XKR7: variants seen among roughly 807,000 people sequenced by gnomAD.
XKR7 encodes the protein XK related 7.
A neutral mutation model predicts 42.2 loss-of-function variants in XKR7; 11 were observed. The ratio of observed to expected loss-of-function variants is 0.26; its 90% CI spans 0.16 to 0.43. The LOEUF is 0.43. XKR7 is among the 20% of genes least tolerant of loss of function. XKR7 has a pLI of 1.00. For missense variants in XKR7, 710 were observed against 802.2 expected (o/e 0.89, Z 1.39); for synonymous variants, 346 against 366.4 (o/e 0.94, Z 0.64).
At position 32,001,440 on chromosome 20, in the gene XKR7, A is replaced by T. The variant is rs2064624614; in HGVS notation, c.*3983A>T. 1 of 152,192 alleles carries T rather than the reference A, an allele frequency of 6.6e-6. No homozygotes were observed. Among genetic ancestry groups the T allele is most frequent in the African/African-American group, 2.4e-5 (1 of 41,440 alleles). The allele number at this position is 152,192 out of a possible 1,614,324, so 9.4% of individuals were successfully genotyped here. On this transcript the variant is annotated 3_prime_UTR_variant, in exon 3 of 3. Coordinates refer to ENST00000562532, the MANE Select transcript of XKR7 (RefSeq NM_001011718.2). ...GTTCAAAATGTTGAGAAGGTTCTGG[A>T]GTGTCCTGCCAAGTGGAAACCCCTC...
chr20:31,991,906 T>G (rs1439645477), intron 1 of XKR7, among the ~76,000 whole-genome samples: 1 of 152,066 alleles, frequency 6.6e-6, no homozygotes, highest in Admixed American at 6.5e-5. Context: ...TCACCTAAGG[T>G]CAGGAGTTTG....
At chr20:31,994,509 G>C (rs1226799869) in intron 1 of XKR7, among the ~76,000 whole-genome samples, 4 of 152,178 alleles carry the variant, frequency 2.6e-5, no homozygotes, top group African/African-American at 9.7e-5. Context: ...GATGAGGCCA[G>C]GAGTTCAAGA....
chr20:31,970,327 C>G (rs1456398266), intron 1 of XKR7: 1 of 152,202 alleles, frequency 6.6e-6, no homozygotes, highest in Admixed American at 6.5e-5. Context: ...GGCTATCCCC[C>G]CATTCAGAAT....
At chr20:31,989,860 G>A (rs759155586) in intron 1 of XKR7, among the ~76,000 whole-genome samples, 11 of 152,078 alleles carry the variant, frequency 7.2e-5, no homozygotes, top group Non-Finnish European at 1.2e-4. Flanking sequence ...TGATCCTCCC[G>A]CCTTGGCCTC....
At chr20:31,977,328 AAC>A (rs934900960) in intron 1 of XKR7, among the ~76,000 whole-genome samples, 6 of 152,198 alleles carry the variant, frequency 3.9e-5, no homozygotes, top group African/African-American at 1.2e-4. Flanking sequence ...TCTGTAAAGT[AAC>A]TTCAGAATTC....
intron 1 of XKR7, among the ~76,000 whole-genome samples, chr20:31,974,971 C>G (rs868627424): frequency 2.0e-4 from 30 of 152,138 alleles, no homozygotes; most frequent in African/African-American, 7.2e-4. Context: ...AGAGCTGCTC[C>G]TAACAGACAC....
intron 1 of XKR7, among the ~76,000 whole-genome samples, chr20:31,980,854 G>A (rs1415389107): frequency 6.6e-6 from 1 of 151,766 alleles, no homozygotes; most frequent in East Asian, 1.9e-4. Context: ...CTGAGCTCAG[G>A]AGTTCGAGAC....
intron 1 of XKR7, among the ~76,000 whole-genome samples, chr20:31,989,238 T>C (rs1290123178): frequency 6.6e-6 from 1 of 150,748 alleles, no homozygotes; most frequent in Non-Finnish European, 1.5e-5. Flanking sequence ...AGTGCAGACG[T>C]CCTGAGCCAG....
intron 1 of XKR7, among the ~76,000 whole-genome samples, chr20:31,980,840 T>A (rs1053985303): frequency 3.3e-5 from 5 of 151,648 alleles, no homozygotes; most frequent in African/African-American, 1.2e-4. Context: ...GGCAGGAGAA[T>A]TGCCTGAGCT....
chr20:31,980,995 G>A (rs1326448095), intron 1 of XKR7, among the ~76,000 whole-genome samples: 2 of 151,376 alleles, frequency 1.3e-5, no homozygotes, highest in African/African-American at 4.9e-5. Context: ...AGCCCAGGAG[G>A]TCGAGGCCGC....
Position 31,968,525 on chromosome 20 carries a change from C to T in XKR7, c.350C>T (p.Ser117Leu), listed in dbSNP as rs1383577735. 1.4e-5 allele frequency: 22 copies of T among 1,609,398 alleles called. No individual in the cohort carries two copies. The highest frequency in any genetic ancestry group is 1.9e-5 in the Non-Finnish European group (22 of 1,178,094). The change falls in exon 1 of 3, where the codon TCG becomes TTG. Residue 117 changes from serine to leucine, a missense_variant. Ser to Leu is a moderately radical substitution (Grantham distance 145). Coordinates refer to ENST00000562532, the MANE Select transcript of XKR7 (RefSeq NM_001011718.2). This position sits in a 1 kb window ranked among gnomAD's most constrained non-coding sequence, Gnocchi z 4.5. ...LSFRWFVYDY[S>L]EPAGSPGPAV... ...TTCCGCTGGTTCGTCTACGACTACTCGGAGCCCGCAGGGTCCCCGGGACCC... is the reference window on the plus strand; with the variant it reads ...TTCCGCTGGTTCGTCTACGACTACTTGGAGCCCGCAGGGTCCCCGGGACCC...
rs780725931 is a variant in XKR7 at position 31,997,255 on chromosome 20, C to T, written c.1538C>T (p.Ala513Val). 4 of 1,612,118 alleles carry T rather than the reference C, an allele frequency of 2.5e-6. No homozygotes were observed. In the South Asian group the frequency reaches 4.4e-5, roughly 18 times the overall value. ...CCTGGCTTGCCTCCCACACCAGTGG[C>T]CCGCACCTTGCGGACAGAGGGGCCT... ...VRPGLPPTPV[A>V]RTLRTEGPVI... Residue 513 changes from alanine to valine, a missense_variant, in exon 3 of 3, where the codon GCC (alanine) becomes GTC (valine). Around this residue, in one of 2 missense-constraint regions of XKR7, gnomAD observed 708 missense variants for 786.2 expected, o/e 0.90. Transcript: ENST00000562532.
chr20:31,984,651 A>G (rs2064529022), intron 1 of XKR7, among the ~76,000 whole-genome samples: 1 of 152,186 alleles, frequency 6.6e-6, no homozygotes, highest in African/African-American at 2.4e-5. Context: ...CCTGTCTCCC[A>G]GTTTTCTCTA....
At chr20:31,988,371 T>A (rs994557504) in intron 1 of XKR7, among the ~76,000 whole-genome samples, 1 of 152,094 alleles carries the variant, frequency 6.6e-6, no homozygotes, top group Non-Finnish European at 1.5e-5. Flanking sequence ...TGAGCTCCTA[T>A]TCATTTCTCG....
intron 1 of XKR7, among the ~76,000 whole-genome samples, chr20:31,986,167 C>G (rs1160119767): frequency 3.0e-5 from 4 of 132,032 alleles, no homozygotes; most frequent in South Asian, 2.5e-4. Flanking sequence ...CCACCAAGCA[C>G]ACCCAGCATC....
intron 1 of XKR7, among the ~76,000 whole-genome samples, chr20:31,989,713 A>G (rs1040656564): frequency 6.6e-6 from 1 of 152,160 alleles, no homozygotes; most frequent in Non-Finnish European, 1.5e-5. Context: ...TCCTGGACTC[A>G]AGTGATCTTC....
intron 1 of XKR7, among the ~76,000 whole-genome samples, chr20:31,983,947 C>T (rs938018571): frequency 4.1e-5 from 6 of 145,314 alleles, no homozygotes; most frequent in Non-Finnish European, 9.0e-5. Context: ...GACTCTGTCT[C>T]AATAAATAAA....
intron 1 of XKR7, among the ~76,000 whole-genome samples, chr20:31,976,383 T>A (rs2064484981): frequency 6.6e-6 from 1 of 152,170 alleles, no homozygotes; most frequent in African/African-American, 2.4e-5. Flanking sequence ...AAAGTATTTT[T>A]ATTTTTTTTT....
Position 32,002,925 on chromosome 20 carries a change from A to G in XKR7, c.*5468A>G, listed in dbSNP as rs1391894907. On this transcript the variant is annotated 3_prime_UTR_variant, in exon 3 of 3. Transcript: ENST00000562532. ...TTTTACTGAAGGGGCAAGCCCAGAG[A>G]TGGGAGATGGCCAGCCCAAGGTCAC... 1 of 152,214 alleles carries G rather than the reference A, an allele frequency of 6.6e-6. No homozygotes were observed. The highest frequency in any genetic ancestry group is 1.5e-5 in the Non-Finnish European group (1 of 68,068). 9.4% of individuals were successfully genotyped at this position (152,214 alleles called of 1,614,324 possible). A position where few individuals can be genotyped will look rare whatever the true frequency, so the allele number is the denominator to read the frequency against.
Sources: gnomAD v4.1 joint callset for allele counts (sites outside exome capture counted in the v4.1 genomes callset) on GRCh38, gnomAD v4.1.1 for gene constraint, gnomAD v4.1.1 regional missense constraint, Gnocchi (gnomAD v3.1) non-coding constraint, MANE v1.5 for transcripts, NCBI Gene and HGNC (gene_info 2026-07-23, HGNC 2026-07-21) for gene names.